The following FRMPD4 variants were observed in gnomAD, a reference collection of about 807,000 sequenced individuals.
FRMPD4 encodes the protein FERM and PDZ domain containing 4, also known as FERM and PDZ domain-containing protein 4.
FRMPD4 carries 22 observed loss-of-function variants against 94.1 expected under a neutral mutation model. That is an observed-to-expected ratio of 0.23 (90% CI 0.17 to 0.33). The LOEUF (loss-of-function observed/expected upper bound fraction) is 0.33. FRMPD4 is among the 10% of genes least tolerant of loss of function. The pLI is 1.00. For missense variants in FRMPD4, 1,111 were observed against 1,339.9 expected (o/e 0.83, Z 2.67); for synonymous variants, 631 against 548.6 (o/e 1.15, Z -2.10).
At chrX:12,452,839 C>A (rs764613002) in intron 1 of FRMPD4, among the ~76,000 whole-genome samples, 1 of 111,572 alleles carries the variant, frequency 9.0e-6, no homozygotes, top group Non-Finnish European at 1.9e-5. Context: ...TGGTGAATTA[C>A]CACCTCAAAA....
intron 1 of FRMPD4, among the ~76,000 whole-genome samples, chrX:12,482,312 G>A (rs2057696583): frequency 8.9e-6 from 1 of 112,344 alleles, no homozygotes; most frequent in Non-Finnish European, 1.9e-5. Flanking sequence ...GTCCAAGTTA[G>A]ATATTTACAG....
At chrX:11,960,537 G>T (rs1013369265) in intron 3 of FRMPD4, among the ~76,000 whole-genome samples, 1 of 112,324 alleles carries the variant, frequency 8.9e-6, no homozygotes, top group Non-Finnish European at 1.9e-5. Context: ...GTGTGGTTAA[G>T]AATTTTGACT....
intron 3 of FRMPD4, among the ~76,000 whole-genome samples, chrX:12,039,478 T>G (rs1476798345): frequency 1.8e-5 from 2 of 111,482 alleles, no homozygotes; most frequent in African/African-American, 6.5e-5. Context: ...CTTTCTAATT[T>G]TCCTTTTTAT....
At chrX:12,076,831 A>G (rs2055023347) in intron 3 of FRMPD4, among the ~76,000 whole-genome samples, 1 of 111,221 alleles carries the variant, frequency 9.0e-6, no homozygotes, top group African/African-American at 3.3e-5. Flanking sequence ...CCCTCCTCCA[A>G]ACAGACCTTT....
At chrX:11,978,993 G>GTA (rs986093409) in intron 3 of FRMPD4, among the ~76,000 whole-genome samples, 2 of 111,074 alleles carry the variant, frequency 1.8e-5, no homozygotes, top group African/African-American at 6.6e-5. Flanking sequence ...TTATGGTAAA[G>GTA]TATATATGTA....
At chrX:12,659,268 G>A (rs1298507906) in intron 4 of FRMPD4, among the ~76,000 whole-genome samples, 2 of 112,602 alleles carry the variant, frequency 1.8e-5, no homozygotes, top group African/African-American at 3.2e-5. Context: ...TGGCATGGTG[G>A]CCTACCTCCC....
At chrX:12,627,529 T>C (rs1267853090) in intron 4 of FRMPD4, among the ~76,000 whole-genome samples, 1 of 111,814 alleles carries the variant, frequency 8.9e-6, no homozygotes, top group East Asian at 2.8e-4. Flanking sequence ...TTGGTGATTC[T>C]AGAAAATGGA....
At chrX:11,979,506 C>T (rs1008159051) in intron 3 of FRMPD4, among the ~76,000 whole-genome samples, 4 of 112,091 alleles carry the variant, frequency 3.6e-5, no homozygotes, top group South Asian at 7.5e-4. Flanking sequence ...TGGGATGAAA[C>T]TTTCATCACT....
At chrX:12,051,040 G>T (rs973855303) in intron 3 of FRMPD4, among the ~76,000 whole-genome samples, 5 of 111,313 alleles carry the variant, frequency 4.5e-5, no homozygotes, top group African/African-American at 1.6e-4. Flanking sequence ...CATGTTGAAT[G>T]ACATAAAGCA....
At chrX:12,086,129 A>C (rs938162413) in intron 3 of FRMPD4, among the ~76,000 whole-genome samples, 1 of 109,760 alleles carries the variant, frequency 9.1e-6, no homozygotes, top group Non-Finnish European at 1.9e-5. Flanking sequence ...TTTTGGGGAT[A>C]TATCCTGTGA....
At chrX:12,630,645 G>A (rs1218858634) in intron 4 of FRMPD4, among the ~76,000 whole-genome samples, 1 of 111,965 alleles carries the variant, frequency 8.9e-6, no homozygotes, top group Non-Finnish European at 1.9e-5. Flanking sequence ...ACAGACTTTT[G>A]TGATGGCTTC....
intron 1 of FRMPD4, among the ~76,000 whole-genome samples, chrX:12,381,654 T>C (rs762304817): frequency 5.4e-5 from 6 of 112,045 alleles, no homozygotes; most frequent in Non-Finnish European, 9.4e-5. Flanking sequence ...CAAGCGGGAC[T>C]TTCCAGAAGA....
At chrX:12,065,908 T>G (rs2054916937) in intron 3 of FRMPD4, among the ~76,000 whole-genome samples, 1 of 112,255 alleles carries the variant, frequency 8.9e-6, no homozygotes, top group African/African-American at 3.2e-5. Context: ...AGTTCTAGTC[T>G]TACTCATTAT....
At chrX:12,119,697 T>C (rs753279355) in intron 3 of FRMPD4, among the ~76,000 whole-genome samples, 1 of 112,799 alleles carries the variant, frequency 8.9e-6, no homozygotes, top group Non-Finnish European at 1.9e-5. Context: ...GAAGCAGGGA[T>C]ATATTCAATT....
chrX:12,472,656 C>T (rs918980811), intron 1 of FRMPD4, among the ~76,000 whole-genome samples: 1 of 111,956 alleles, frequency 8.9e-6, no homozygotes, highest in African/African-American at 3.3e-5. Flanking sequence ...ACAAGGACTA[C>T]GTGACGAATG....
intron 1 of FRMPD4, among the ~76,000 whole-genome samples, chrX:12,167,206 C>G (rs1432800888): frequency 8.9e-6 from 1 of 111,837 alleles, no homozygotes; most frequent in African/African-American, 3.3e-5. Flanking sequence ...ATAAATTTCC[C>G]TCTACACACT....
chrX:12,068,015 T>C (rs2054936120), intron 3 of FRMPD4, among the ~76,000 whole-genome samples: 1 of 111,752 alleles, frequency 8.9e-6, no homozygotes, highest in African/African-American at 3.3e-5. Flanking sequence ...CATGTCATCC[T>C]GAGGGTCCTT....
intron 4 of FRMPD4, among the ~76,000 whole-genome samples, chrX:12,665,552 G>A (rs962933942): frequency 3.6e-5 from 4 of 112,116 alleles, no homozygotes; most frequent in Admixed American, 9.4e-5. Context: ...TTTGTGAAGG[G>A]TTTTTCATGT....
chrX:12,317,392 C>T (rs2055134009), intron 1 of FRMPD4, among the ~76,000 whole-genome samples: 2 of 110,202 alleles, frequency 1.8e-5, no homozygotes. Context: ...TTGAATAAGG[C>T]CTCAAAAGCG....
Sources: gnomAD v4.1 joint callset for allele counts (sites outside exome capture counted in the v4.1 genomes callset) on GRCh38, gnomAD v4.1.1 for gene constraint, MANE v1.5 for transcripts, NCBI Gene and HGNC (gene_info 2026-07-23, HGNC 2026-07-21) for gene names.